NLK: variants seen among roughly 807,000 people sequenced by gnomAD.
The protein encoded by NLK is serine/threonine-protein kinase NLK.
Under a neutral mutation model 59.0 loss-of-function variants are expected in NLK, and 11 were observed. That is an observed-to-expected ratio of 0.19 (90% CI 0.12 to 0.31). The LOEUF (loss-of-function observed/expected upper bound fraction) is 0.31. Ranked by LOEUF, NLK falls within the 10% of genes least tolerant of loss-of-function variation. The pLI is 1.00. For missense variants in NLK, 410 were observed against 661.1 expected (o/e 0.62, Z 4.16); for synonymous variants, 235 against 235.9 (o/e 1.00, Z 0.03).
intron 3 of NLK, among the ~76,000 whole-genome samples, chr17:28,157,741 C>G (rs1289353136): frequency 6.6e-6 from 1 of 152,192 alleles, no homozygotes; most frequent in Non-Finnish European, 1.5e-5. Flanking sequence ...ATCTTCACTA[C>G]TATGTAACCG....
intron 5 of NLK, 56 bp from the exon 6 acceptor site, chr17:28,168,391 GT>G: frequency 7.9e-7 from 1 of 1,261,652 alleles, no homozygotes; most frequent in Non-Finnish European, 1.1e-6. Context: ...TTGATGTTTT[GT>G]TTTACTCTTT....
At chr17:28,071,468 C>A (rs567014407) in intron 1 of NLK, among the ~76,000 whole-genome samples, 1 of 150,712 alleles carries the variant, frequency 6.6e-6, no homozygotes, top group Admixed American at 6.6e-5. Context: ...CCTTTGTCAA[C>A]CACTCTGATC....
chr17:28,199,681 AAAAC>A (rs1909576766), downstream of NLK, among the ~76,000 whole-genome samples: 6 of 9,314 alleles, frequency 6.4e-4, no homozygotes, highest in Admixed American at 2.0e-3. Flanking sequence ...AAAAAAAAAA[AAAAC>A]AAAACAAAAC....
In NLK at chr17:28,192,178, C is replaced by T. The variant is rs3182380; in HGVS notation, c.1494C>T (p.Ile498=). The change falls in exon 10 of 11, where the codon ATC becomes ATT. Residue 498 remains isoleucine (I), a synonymous_variant. Transcript: ENST00000407008. ...QQKGNRVPLC[I]NPQSAAFKSF... is the part of the protein sequence containing the mutation. ...AAGGAAACAGAGTGCCTCTCTGCAT[C>T]AACCCTCAGTCTGCTGCTTTTAAGA... 77,101 of 1,605,330 alleles carry T rather than the reference C, an allele frequency of 0.048. 2,229 individuals carry two copies. Among genetic ancestry groups the T allele is most frequent in the Middle Eastern group, 0.054 (327 of 6,032 alleles).
intron 3 of NLK, among the ~76,000 whole-genome samples, chr17:28,152,709 G>C (rs566235163): frequency 6.6e-6 from 1 of 151,630 alleles, no homozygotes; most frequent in Non-Finnish European, 1.5e-5. Context: ...CCACAGCCTC[G>C]ACCTCCTGGG....
At chr17:28,107,254 T>G (rs1166678158) in intron 1 of NLK, among the ~76,000 whole-genome samples, 1 of 151,920 alleles carries the variant, frequency 6.6e-6, no homozygotes, top group Non-Finnish European at 1.5e-5. Flanking sequence ...GCCAACATGA[T>G]GAGACCCCCG....
At chr17:28,149,045 A>G (rs1042523543) in intron 3 of NLK, among the ~76,000 whole-genome samples, 1 of 152,154 alleles carries the variant, frequency 6.6e-6, no homozygotes, top group Admixed American at 6.6e-5. Flanking sequence ...TTTTATTTTT[A>G]TTACTTTTCA....
At chr17:28,152,138 A>G (rs904775783) in intron 3 of NLK, among the ~76,000 whole-genome samples, 1 of 152,238 alleles carries the variant, frequency 6.6e-6, no homozygotes, top group Non-Finnish European at 1.5e-5. Context: ...AGGTTTCATA[A>G]TGCTAGATGA....
chr17:28,203,571 A>T, the NLK span, among the ~76,000 whole-genome samples: 3 of 151,798 alleles, frequency 2.0e-5, no homozygotes, highest in African/African-American at 7.3e-5. Context: ...GAGTCTCACC[A>T]TGTCGCTCAG....
the NLK span, among the ~76,000 whole-genome samples, chr17:28,203,200 C>CACACACACACACACACACACACAG: frequency 1.1e-4 from 16 of 151,082 alleles, no homozygotes; most frequent in African/African-American, 3.9e-4. Flanking sequence ...CACACACACA[C>CACACACACACACACACACACACAG]AGTCTCAGTC....
At chr17:28,083,544 C>G (rs949362612) in intron 1 of NLK, among the ~76,000 whole-genome samples, 4 of 152,156 alleles carry the variant, frequency 2.6e-5, no homozygotes, top group African/African-American at 9.7e-5. Flanking sequence ...GCCCAGAACT[C>G]CTAAACCCAA....
At chr17:28,158,235 T>C (rs2142045178) in intron 3 of NLK, among the ~76,000 whole-genome samples, 1 of 152,320 alleles carries the variant, frequency 6.6e-6, no homozygotes, top group East Asian at 1.9e-4. Flanking sequence ...CTGAATACTG[T>C]AGGCAGCTTT....
At position 28,089,142 on chromosome 17, in the gene NLK, G is replaced by A. The variant is rs141696181; in HGVS notation, c.459-33461G>A. On this transcript the variant is annotated intron_variant, in intron 1 of 10. Transcript: ENST00000407008. Reference sequence around the variant, plus strand: ...AATCATATGGTTTGGTAAGTTTGATGTACGTATACACATGAAACTATTGCC... The same window carrying A: ...AATCATATGGTTTGGTAAGTTTGATATACGTATACACATGAAACTATTGCC... Among the ~76,000 whole-genome samples, 520 of 152,254 alleles carry A rather than the reference G, an allele frequency of 3.4e-3. 7 individuals carry two copies. Among genetic ancestry groups the A allele is most frequent in the African/African-American group, 0.012 (500 of 41,548 alleles).
chr17:28,071,292 A>T (rs1337536234), intron 1 of NLK, among the ~76,000 whole-genome samples: 1 of 152,238 alleles, frequency 6.6e-6, no homozygotes, highest in Non-Finnish European at 1.5e-5. Flanking sequence ...TTGTGTTTTC[A>T]TATCATTACA....
Position 28,073,838 on chromosome 17 carries a change from T to C in NLK, c.458+30507T>C, listed in dbSNP as rs142093634. Reference sequence around the variant, plus strand: ...CTATACTTCTTTATATATATATCTTTCTTAAAGGAGAGGTATCCCTGTAGA... The same window carrying C: ...CTATACTTCTTTATATATATATCTTCCTTAAAGGAGAGGTATCCCTGTAGA... On this transcript the variant is annotated intron_variant, in intron 1 of 10. Transcript: ENST00000407008. Among the ~76,000 whole-genome samples, 1,296 of 152,306 alleles carry C rather than the reference T, an allele frequency of 8.5e-3. 15 individuals carry two copies. Among genetic ancestry groups the C allele is most frequent in the African/African-American group, 0.03 (1,228 of 41,538 alleles).
At chr17:28,119,852 T>A (rs1328786188) in intron 1 of NLK, among the ~76,000 whole-genome samples, 3 of 152,232 alleles carry the variant, frequency 2.0e-5, no homozygotes, top group African/African-American at 7.2e-5. Context: ...TGAGAAGGCA[T>A]CAGTTCTTTG....
chr17:28,057,753 T>A (rs968803179), intron 1 of NLK, among the ~76,000 whole-genome samples: 9 of 152,216 alleles, frequency 5.9e-5, no homozygotes, highest in Non-Finnish European at 1.0e-4. Flanking sequence ...ATGATTTGTG[T>A]CACTGCTCTG....
intron 7 of NLK, among the ~76,000 whole-genome samples, chr17:28,183,764 T>G (rs897336950): frequency 2.6e-5 from 4 of 152,146 alleles, no homozygotes; most frequent in Non-Finnish European, 5.9e-5. Flanking sequence ...ACTAAGAGAT[T>G]AGTTTTTTGT....
intron 1 of NLK, among the ~76,000 whole-genome samples, chr17:28,063,382 A>G (rs560348631): frequency 2.6e-5 from 4 of 152,204 alleles, no homozygotes; most frequent in Non-Finnish European, 5.9e-5. Flanking sequence ...TATGGCATCC[A>G]AGAGGAAAAA....
Sources: gnomAD v4.1 joint callset for allele counts (sites outside exome capture counted in the v4.1 genomes callset) on GRCh38, gnomAD v4.1.1 for gene constraint, MANE v1.5 for transcripts, NCBI Gene and HGNC (gene_info 2026-07-23, HGNC 2026-07-21) for gene names.